VWA8: variants seen among roughly 807,000 people sequenced by gnomAD.
VWA8 encodes the protein von Willebrand factor A domain containing 8, also known as von Willebrand factor A domain-containing protein 8.
VWA8 carries 221 observed loss-of-function variants against 241.5 expected under a neutral mutation model. That is an observed-to-expected ratio of 0.91 (90% CI 0.82 to 1.02). VWA8 has a LOEUF of 1.02. Ranked by LOEUF, VWA8 falls within the 50% of genes least tolerant of loss-of-function variation. The pLI, the probability that VWA8 is intolerant of heterozygous loss-of-function variation, is 0.00. For synonymous variants in VWA8, 852 were observed against 827.1 expected (o/e 1.03, Z -0.52); for missense variants, 2,322 against 2,328.7 (o/e 1.00, Z 0.06).
At position 41,727,760 on chromosome 13, in the gene VWA8, G is replaced by C. The variant is rs201234036; in HGVS notation, c.2639-447C>G. Among the ~76,000 whole-genome samples, 4 of 152,204 alleles carry C rather than the reference G, an allele frequency of 2.6e-5. No individual in the cohort carries two copies. In the East Asian group the frequency reaches 5.8e-4, roughly 22 times the overall value. On this transcript the variant is annotated intron_variant, in intron 23 of 44. Coordinates refer to ENST00000379310, the MANE Select transcript of VWA8 (RefSeq NM_015058.2). ...TAGAGCCTGCCATTATGCAGCTAAG[G>C]AGTTATTCCTGTTTAGATCACGCAC...
At chr13:41,882,577 G>A (rs1287021049) in intron 9 of VWA8, among the ~76,000 whole-genome samples, 7 of 152,230 alleles carry the variant, frequency 4.6e-5, no homozygotes, top group African/African-American at 1.7e-4. Context: ...CAAGGCTGGC[G>A]GATCACTCGC....
chr13:41,636,009 A>G (rs2044754208), intron 37 of VWA8, among the ~76,000 whole-genome samples: 2 of 152,220 alleles, frequency 1.3e-5, no homozygotes, highest in Admixed American at 1.3e-4. Context: ...GTTTATGATC[A>G]TAAAATACCT....
intron 4 of VWA8, among the ~76,000 whole-genome samples, chr13:41,904,194 T>A (rs1417287932): frequency 1.3e-5 from 2 of 152,194 alleles, no homozygotes; most frequent in Non-Finnish European, 2.9e-5. Flanking sequence ...AACAAATAAA[T>A]CTTTAGATAA....
At chr13:41,661,769 A>G (rs1160549413) in intron 37 of VWA8, among the ~76,000 whole-genome samples, 1 of 152,132 alleles carries the variant, frequency 6.6e-6, no homozygotes, top group Non-Finnish European at 1.5e-5. Context: ...TATTATTACT[A>G]TTGTATCCTA....
Position 41,895,830 on chromosome 13 carries a change from TC to T in VWA8, c.484-4244del, listed in dbSNP as rs372801532. ...TTTCATTTGTTTTACTTGCAAATTT[TC>T]TTTTTTTTTTTTTTTTTTAGTTTTT... On this transcript the variant is annotated intron_variant, in intron 4 of 44. Transcript: ENST00000379310. 5.6e-3 allele frequency among the ~76,000 whole-genome samples: 533 copies of T among 94,860 alleles called. 4 individuals carry two copies. Among genetic ancestry groups the T allele is most frequent in the South Asian group, 0.049 (87 of 1,768 alleles). 62.2% of individuals were successfully genotyped at this position (94,860 alleles called of 152,430 possible).
intron 12 of VWA8, among the ~76,000 whole-genome samples, chr13:41,854,746 GA>G (rs1216144576): frequency 6.6e-6 from 1 of 152,100 alleles, no homozygotes; most frequent in Non-Finnish European, 1.5e-5. Flanking sequence ...TAAGTGCCAT[GA>G]AAAAGGCCAT....
intron 5 of VWA8, among the ~76,000 whole-genome samples, chr13:41,889,005 T>C (rs1874687866): frequency 6.6e-6 from 1 of 152,194 alleles, no homozygotes; most frequent in South Asian, 2.1e-4. Flanking sequence ...TACTCAAAAA[T>C]GTTAAATAAA....
At chr13:41,893,735 T>C (rs910834238) in intron 4 of VWA8, among the ~76,000 whole-genome samples, 2 of 152,018 alleles carry the variant, frequency 1.3e-5, no homozygotes, top group Admixed American at 6.6e-5. Flanking sequence ...AATACAAAAA[T>C]TAGCCAAGTG....
At chr13:41,652,458 G>T (rs1407236082) in intron 37 of VWA8, among the ~76,000 whole-genome samples, 2 of 152,172 alleles carry the variant, frequency 1.3e-5, no homozygotes, top group Admixed American at 6.5e-5. Context: ...GTGAGAGAAT[G>T]TATCAGAAGC....
chr13:41,803,413 G>A (rs1337759700), intron 17 of VWA8, among the ~76,000 whole-genome samples: 2 of 152,172 alleles, frequency 1.3e-5, no homozygotes, highest in Non-Finnish European at 2.9e-5. Context: ...ACATACCTGA[G>A]ACTGGGAAAT....
At chr13:41,874,297 C>A (rs1194821236) in intron 9 of VWA8, among the ~76,000 whole-genome samples, 2 of 150,806 alleles carry the variant, frequency 1.3e-5, no homozygotes, top group Non-Finnish European at 3.0e-5. Context: ...CCCTCTCTCA[C>A]CACTCCTATT....
chr13:41,819,334 G>T lies in VWA8; in HGVS notation c.1753C>A (p.Pro585Thr). The T allele has an allele frequency of 6.2e-7, 1 of 1,612,488 alleles. No homozygotes were observed. The highest frequency in any genetic ancestry group is 8.5e-7 in the Non-Finnish European group (1 of 1,179,640). The change falls in exon 15 of 45, where the codon CCT becomes ACT. Residue 585 changes from proline to threonine, a missense_variant. Physicochemically the swap from Pro to Thr is conservative, Grantham distance 38 (BLOSUM62 -1). Transcript: ENST00000379310. ...SFRIIALAEP[P>T]VIGSTAHQWL... ...TGGTGTGCTGTGCTTCCAATAACAG[G>T]GGGTTCTGCCAAGGCAATGATTCTG...
At chr13:41,618,753 T>C (rs1363119340) in intron 37 of VWA8, among the ~76,000 whole-genome samples, 3 of 152,346 alleles carry the variant, frequency 2.0e-5, no homozygotes, top group East Asian at 1.9e-4. Flanking sequence ...TTTCTTGTTT[T>C]TGTCAGGTTT....
intron 12 of VWA8, among the ~76,000 whole-genome samples, chr13:41,859,772 GCT>G (rs575057727): frequency 1.3e-3 from 203 of 152,278 alleles, no homozygotes; most frequent in African/African-American, 3.9e-3. Context: ...CTGTGTTAAA[GCT>G]CTGTTTTCCT....
At chr13:41,685,485 G>A (rs1381297148) in intron 34 of VWA8, among the ~76,000 whole-genome samples, 23 of 151,992 alleles carry the variant, frequency 1.5e-4, no homozygotes, top group South Asian at 2.1e-4. Context: ...GTGAAACCCC[G>A]TCCCTATAAA....
chr13:41,567,531 C>T lies in VWA8; in HGVS notation c.*666G>A, dbSNP rs1488678601. On this transcript the variant is annotated 3_prime_UTR_variant, in exon 45 of 45. Coordinates refer to ENST00000379310, the MANE Select transcript of VWA8 (RefSeq NM_015058.2). Reference sequence around the variant, plus strand: ...CAGCAAGGAGAAGAGGACATTTGCTCTTTAAGAGCCTTTTAAAAGTCACGT... The same window carrying T: ...CAGCAAGGAGAAGAGGACATTTGCTTTTTAAGAGCCTTTTAAAAGTCACGT... 1 of 152,184 alleles carries T rather than the reference C, an allele frequency of 6.6e-6. No homozygotes were observed. The highest frequency in any genetic ancestry group is 1.5e-5 in the Non-Finnish European group (1 of 68,050). 9.4% of individuals were successfully genotyped at this position (152,184 alleles called of 1,614,324 possible).
At chr13:41,825,510 G>A (rs1354847890) in intron 14 of VWA8, among the ~76,000 whole-genome samples, 1 of 152,084 alleles carries the variant, frequency 6.6e-6, no homozygotes, top group African/African-American at 2.4e-5. Context: ...TTATTTATTT[G>A]TACAAGACTG....
intron 26 of VWA8, among the ~76,000 whole-genome samples, chr13:41,706,358 T>C (rs1393501617): frequency 6.6e-6 from 1 of 152,228 alleles, no homozygotes; most frequent in East Asian, 1.9e-4. Flanking sequence ...CATAACATGA[T>C]GCTATTTGGC....
intron 37 of VWA8, among the ~76,000 whole-genome samples, chr13:41,658,699 C>T (rs114351351): frequency 1.6e-3 from 240 of 152,324 alleles, no homozygotes; most frequent in African/African-American, 5.4e-3. Flanking sequence ...CAGCTTCACT[C>T]GGACTTCCTT....
Sources: allele counts gnomAD v4.1 joint callset (sites outside exome capture counted in the v4.1 genomes callset), GRCh38; gene constraint gnomAD v4.1.1; transcripts MANE v1.5; gene names NCBI Gene and HGNC (gene_info 2026-07-23, HGNC 2026-07-21).